EXOC4: variants seen among roughly 807,000 people sequenced by gnomAD.
The protein encoded by EXOC4 is SEC8-like 1.
Under a neutral mutation model 107.2 loss-of-function variants are expected in EXOC4, and 71 were observed. The ratio of observed to expected loss-of-function variants is 0.66; its 90% CI spans 0.55 to 0.81. The LOEUF is 0.81. Ranked by LOEUF, EXOC4 falls within the 30% of genes least tolerant of loss-of-function variation. The pLI is 0.00. For missense variants in EXOC4, 1,108 were observed against 1,189.6 expected (o/e 0.93, Z 1.01); for synonymous variants, 456 against 441.2 (o/e 1.03, Z -0.42).
chr7:133,356,463 C>T lies in EXOC4; in HGVS notation c.897C>T (p.Ile299=), dbSNP rs1363386997. 6.2e-7 allele frequency: 1 copy of T among 1,614,012 alleles called. No homozygotes were observed. The highest frequency in any genetic ancestry group is 8.5e-7 in the Non-Finnish European group (1 of 1,180,028). Residue 299 remains isoleucine (I), a synonymous_variant, in exon 6 of 18, where the codon ATC becomes ATT. Coordinates refer to ENST00000253861, the MANE Select transcript of EXOC4 (RefSeq NM_021807.4). ...AGATCCCAGAAACAGTTAAGGCAAT[C>T]ATAGAGCGCTTGGAGCAGGAGTTGA... ...LKKIPETVKA[I]IERLEQELKQ...
Position 133,852,468 on chromosome 7 carries a change from A to C in EXOC4, c.1734+34924A>C, listed in dbSNP as rs1798257296. ...CAGGATAGCTTTTCAACCACCTGCT[A>C]ATATTTGACTACATGAATTTTCATT... On this transcript the variant is annotated intron_variant, in intron 11 of 17. Transcript: ENST00000253861. 2.0e-5 allele frequency among the ~76,000 whole-genome samples: 3 copies of C among 152,180 alleles called. No homozygotes were observed. The South Asian group carries it at 6.2e-4, about 32-fold the overall frequency.
intron 1 of EXOC4, among the ~76,000 whole-genome samples, chr7:133,263,437 A>G (rs894740343): frequency 7.7e-6 from 1 of 129,544 alleles, no homozygotes; most frequent in African/African-American, 3.1e-5. Flanking sequence ...GCTGGAGTGC[A>G]GTGGTGTGAT....
chr7:133,571,128 A>G (rs998643140), intron 9 of EXOC4, among the ~76,000 whole-genome samples: 3 of 152,294 alleles, frequency 2.0e-5, no homozygotes, highest in Non-Finnish European at 2.9e-5. Context: ...TATTTTTTAA[A>G]GTGATTATTA....
chr7:133,812,967 C>A (rs527978211), intron 10 of EXOC4, among the ~76,000 whole-genome samples: 2 of 152,184 alleles, frequency 1.3e-5, no homozygotes, highest in Non-Finnish European at 2.9e-5. Flanking sequence ...GGCGAAACAG[C>A]CTTAATATTT....
chr7:133,570,934 T>G (rs1201777144), intron 9 of EXOC4, among the ~76,000 whole-genome samples: 1 of 152,216 alleles, frequency 6.6e-6, no homozygotes, highest in Non-Finnish European at 1.5e-5. Flanking sequence ...ATTTGAAAAT[T>G]GATTTAATTT....
At chr7:133,799,243 A>T (rs1215606221) in intron 10 of EXOC4, among the ~76,000 whole-genome samples, 1 of 152,140 alleles carries the variant, frequency 6.6e-6, no homozygotes, top group Non-Finnish European at 1.5e-5. Flanking sequence ...TAATTATGTC[A>T]CATAAAAAGT....
chr7:133,983,598 A>C (rs1463685272), intron 14 of EXOC4, among the ~76,000 whole-genome samples: 4 of 152,154 alleles, frequency 2.6e-5, no homozygotes, highest in Non-Finnish European at 4.4e-5. Flanking sequence ...GGCTCTTTGG[A>C]AGATTTACAT....
chr7:133,403,213 A>G (rs1797134005), intron 7 of EXOC4, among the ~76,000 whole-genome samples: 1 of 152,196 alleles, frequency 6.6e-6, no homozygotes, highest in Non-Finnish European at 1.5e-5. Flanking sequence ...AGAAGGAGAG[A>G]AATCCTTTAC....
the EXOC4 span, among the ~76,000 whole-genome samples, chr7:134,076,658 A>G: frequency 7.3e-5 from 11 of 150,974 alleles, no homozygotes; most frequent in Non-Finnish European, 1.5e-4. Context: ...ATAAACAAAA[A>G]ATATATAAAT....
intron 10 of EXOC4, among the ~76,000 whole-genome samples, chr7:133,710,854 A>C (rs913608191): frequency 9.2e-5 from 14 of 151,664 alleles, no homozygotes; most frequent in Admixed American, 3.3e-4. Context: ...GTTCTTTTCT[A>C]TAGAGTAATC....
At chr7:133,408,825 T>C (rs1797287406) in intron 7 of EXOC4, among the ~76,000 whole-genome samples, 1 of 152,196 alleles carries the variant, frequency 6.6e-6, no homozygotes, top group South Asian at 2.1e-4. Flanking sequence ...CACAGAATAA[T>C]GACACCTGTA....
intron 1 of EXOC4, among the ~76,000 whole-genome samples, chr7:133,261,947 C>A (rs1357233660): frequency 6.6e-6 from 1 of 152,148 alleles, no homozygotes; most frequent in Admixed American, 6.5e-5. Flanking sequence ...CAGCTGATGA[C>A]CCTCTACAGA....
intron 14 of EXOC4, among the ~76,000 whole-genome samples, chr7:133,966,737 T>C (rs748950484): frequency 3.3e-5 from 5 of 152,218 alleles, no homozygotes; most frequent in Admixed American, 1.3e-4. Flanking sequence ...CAGTATTTTA[T>C]TGAGGATTTT....
In EXOC4 at chr7:133,395,362, G is replaced by A. The variant is rs1584882171; in HGVS notation, c.1182+20360G>A. Among the ~76,000 whole-genome samples the A allele has an allele frequency of 2.6e-5, 4 of 152,202 alleles. No homozygotes were observed. The East Asian group carries it at 7.7e-4, about 29-fold the overall frequency. ...ATCACAGGATTAAAGCGATGAGGAA[G>A]TATATACAGTGAAGAATGATGCCCT... On this transcript the variant is annotated intron_variant, in intron 7 of 17. Coordinates refer to ENST00000253861, the MANE Select transcript of EXOC4 (RefSeq NM_021807.4).
chr7:133,440,229 G>T (rs1798074298), intron 7 of EXOC4, among the ~76,000 whole-genome samples: 1 of 152,076 alleles, frequency 6.6e-6, no homozygotes, highest in African/African-American at 2.4e-5. Flanking sequence ...GTTTTCACTG[G>T]ATCTGAGTCT....
At position 133,895,617 on chromosome 7, in the gene EXOC4, A is replaced by G. The variant is rs1414189714; in HGVS notation, c.1753A>G (p.Lys585Glu). ...TTTCCAGAGCACAATCATTGTGGAG[A>G]AGACAGTTCAAGACCTCCTGAACCT... is the stretch of plus-strand genomic sequence containing the variant. ...PLLQSTIIVE[K>E]TVQDLLNLMH... The change falls in exon 12 of 18, where the codon AAG (lysine) becomes GAG (glutamate). Residue 585 changes from lysine to glutamate, a missense_variant. Physicochemically the swap from Lys to Glu is moderately conservative, Grantham distance 56. Transcript: ENST00000253861. The G allele has an allele frequency of 6.2e-7, 1 of 1,614,034 alleles. No individual in the cohort carries two copies. Among genetic ancestry groups the G allele is most frequent in the Admixed American group, 1.7e-5 (1 of 60,004 alleles).
chr7:133,941,128 A>G (rs1419949017), intron 14 of EXOC4, among the ~76,000 whole-genome samples: 1 of 151,554 alleles, frequency 6.6e-6, no homozygotes, highest in African/African-American at 2.4e-5. Flanking sequence ...CTCCCTAGTA[A>G]CTAGGATTAC....
chr7:133,341,764 G>T (rs1042448087), intron 5 of EXOC4, among the ~76,000 whole-genome samples: 5 of 152,132 alleles, frequency 3.3e-5, no homozygotes, highest in Admixed American at 6.5e-5. Flanking sequence ...TGTTGGATTA[G>T]TCCTTTTATC....
chr7:133,948,163 G>A (rs1800599386), intron 14 of EXOC4, among the ~76,000 whole-genome samples: 1 of 152,196 alleles, frequency 6.6e-6, no homozygotes, highest in Admixed American at 6.5e-5. Context: ...AGGAGCAGTG[G>A]AAGATTGTAC....
Sources: gnomAD v4.1 joint callset for allele counts (sites outside exome capture counted in the v4.1 genomes callset) on GRCh38, gnomAD v4.1.1 for gene constraint, MANE v1.5 for transcripts, NCBI Gene and HGNC (gene_info 2026-07-23, HGNC 2026-07-21) for gene names.